The following RANBP3 variants were observed in gnomAD, a reference collection of about 807,000 sequenced individuals.
The protein encoded by RANBP3 is ran-binding protein 3.
RANBP3 carries 14 observed loss-of-function variants against 77.3 expected under a neutral mutation model. That is an observed-to-expected ratio of 0.18 (90% CI 0.12 to 0.28). The LOEUF (loss-of-function observed/expected upper bound fraction) is 0.28. Ranked by LOEUF, RANBP3 falls within the 10% of genes least tolerant of loss-of-function variation. The pLI, the probability that RANBP3 is intolerant of heterozygous loss-of-function variation, is 1.00. For missense variants in RANBP3, 586 were observed against 752.3 expected, an observed-to-expected ratio of 0.78 and a Z score of 2.59; for synonymous variants, 315 against 312.4, an observed-to-expected ratio of 1.01 and a Z score of -0.09.
chr19:5,963,799 G>T (rs1334960194), intron 1 of RANBP3, among the ~76,000 whole-genome samples: 1 of 152,146 alleles, frequency 6.6e-6, no homozygotes, highest in East Asian at 1.9e-4. Flanking sequence ...GCCTCACCAT[G>T]GCCTTCAGGG....
chr19:5,975,726 T>C (rs1369777766), intron 1 of RANBP3, among the ~76,000 whole-genome samples: 1 of 149,136 alleles, frequency 6.7e-6, no homozygotes, highest in Non-Finnish European at 1.5e-5. Context: ...TGGATTTAAT[T>C]TGAAATAGGT....
In RANBP3 at chr19:5,939,471, C is replaced by T. The variant is rs577807206; in HGVS notation, c.406+2150G>A. On this transcript the variant is annotated intron_variant, in intron 5 of 16. Transcript: ENST00000340578. ...CCAATTGCTTTTCCTCCCAGGAGAA[C>T]CCCCAGGCCGGGCGGGAAGGCAGAG... Among the ~76,000 whole-genome samples the T allele has an allele frequency of 3.9e-5, 6 of 152,320 alleles. No individual in the cohort carries two copies. The South Asian group carries it at 8.3e-4, about 21-fold the overall frequency.
chr19:5,951,257 T>A lies in RANBP3; in HGVS notation c.282+136A>T, dbSNP rs551458790. The A allele has an allele frequency of 5.1e-5, 44 of 857,488 alleles. No individual in the cohort carries two copies. The African/African-American group carries it at 6.4e-4, about 13-fold the overall frequency. 53.1% of individuals were successfully genotyped at this position (857,488 alleles called of 1,614,324 possible). On this transcript the variant is annotated intron_variant, in intron 3 of 16. Transcript: ENST00000340578. ...ATGAATTAAAGCGAGCTGGAAGAAA[T>A]CCTTGTCATCTTTTAAGTTACCATT...
intron 1 of RANBP3, among the ~76,000 whole-genome samples, chr19:5,977,209 G>A (rs557441134): frequency 2.6e-5 from 4 of 152,202 alleles, no homozygotes; most frequent in Non-Finnish European, 2.9e-5. Flanking sequence ...TAGAAAAGGG[G>A]GGGAGCTAAA....
chr19:5,963,354 C>T (rs2058426757), intron 1 of RANBP3, among the ~76,000 whole-genome samples: 1 of 152,108 alleles, frequency 6.6e-6, no homozygotes, highest in Admixed American at 6.5e-5. Context: ...GAGTTGAAGA[C>T]CTGTCTGGGC....
intron 3 of RANBP3, among the ~76,000 whole-genome samples, chr19:5,945,470 C>T (rs537184308): frequency 1.3e-5 from 2 of 152,276 alleles, no homozygotes; most frequent in East Asian, 3.9e-4. Flanking sequence ...TAACAAATGG[C>T]CCCCCATGGA....
chr19:5,977,366 A>T (rs1047821801), intron 1 of RANBP3, among the ~76,000 whole-genome samples: 2 of 152,268 alleles, frequency 1.3e-5, no homozygotes, highest in Admixed American at 6.5e-5. Flanking sequence ...TCCACAGAGG[A>T]GGGACTCGCA....
rs2057776165 is a variant in RANBP3 at position 5,918,564 on chromosome 19, T to A, written c.1405A>T (p.Ser469Cys). 4 of 1,613,688 alleles carry A rather than the reference T, an allele frequency of 2.5e-6. No homozygotes were observed. In the East Asian group the frequency reaches 8.9e-5, roughly 36 times the overall value. Residue 469 changes from serine (S) to cysteine (C), a missense_variant, in exon 15 of 17, where the codon AGC becomes TGC. Ser to Cys is a moderately radical substitution (Grantham distance 112, BLOSUM62 -1). This residue lies in a region of RANBP3 where 128 missense variants were observed against 157.0 expected (regional missense o/e 0.82). Transcript: ENST00000340578. ...GCTGTGATGCGAATGCTCTTCTCGC[T>A]GGCCTTGTCGATCTGCATCTGGGCC... ...LWAQMQIDKASEKSIRITAMD... is the reference protein window; with the variant it reads ...LWAQMQIDKACEKSIRITAMD...
At chr19:5,925,407 C>T (rs569202560) in intron 10 of RANBP3, 1 of 587,922 alleles carries the variant, frequency 1.7e-6, no homozygotes, top group South Asian at 2.0e-5. Context: ...GACAACCCCA[C>T]AGAACTCTGG....
At position 5,931,352 on chromosome 19, in the gene RANBP3, CG is replaced by C. The variant is rs2057987524; in HGVS notation, c.693+51del. On this transcript the variant is annotated intron_variant, in intron 8 of 16. Coordinates refer to ENST00000340578, the MANE Select transcript of RANBP3 (RefSeq NM_007322.3). Reference sequence around the variant, plus strand: ...CAGCATGCTGGGAAGGCTGCCCTCCCGCTCCCAAGGGGCCTAGCATGCAGCG... The same window carrying C: ...CAGCATGCTGGGAAGGCTGCCCTCCCCTCCCAAGGGGCCTAGCATGCAGCG... 4 of 1,556,936 alleles carry C rather than the reference CG, an allele frequency of 2.6e-6. No homozygotes were observed. The East Asian group carries it at 9.1e-5, about 36-fold the overall frequency.
At chr19:5,955,139 T>A (rs781144025) in intron 2 of RANBP3, among the ~76,000 whole-genome samples, 15 of 152,228 alleles carry the variant, frequency 9.9e-5, no homozygotes, top group Non-Finnish European at 1.6e-4. Flanking sequence ...TTTTTATTTT[T>A]AATTTTTTTT....
At position 5,924,735 on chromosome 19, in the gene RANBP3, G is replaced by A. The variant is rs984225959; in HGVS notation, c.996+92C>T. The A allele has an allele frequency of 1.0e-5, 13 of 1,302,728 alleles. No individual in the cohort carries two copies. The African/African-American group carries it at 1.3e-4, about 13-fold the overall frequency. 80.7% of individuals were successfully genotyped at this position (1,302,728 alleles called of 1,614,324 possible). The stretch of plus-strand genomic sequence containing the variant: ...AAGGCATCCCCATCTCACATAGGAC[G>A]ACACAGCAGCCCTGCTCTCCATGTC... On this transcript the variant is annotated intron_variant, in intron 11 of 16. Transcript: ENST00000340578. This position sits in a 1 kb window ranked among gnomAD's most constrained non-coding sequence, Gnocchi z 4.7.
At chr19:5,965,713 G>A (rs1321454129) in intron 1 of RANBP3, 2 of 152,244 alleles carry the variant, frequency 1.3e-5, no homozygotes, top group Non-Finnish European at 2.9e-5. Flanking sequence ...GTGAAGAAGG[G>A]TTGTAGAATC....
intron 1 of RANBP3, among the ~76,000 whole-genome samples, chr19:5,976,227 A>G (rs2058589478): frequency 6.6e-6 from 1 of 152,158 alleles, no homozygotes; most frequent in Non-Finnish European, 1.5e-5. Flanking sequence ...AGTGGGGGAG[A>G]TAAGGATTTT....
chr19:5,974,634 G>A lies in RANBP3; in HGVS notation c.22+3427C>T, dbSNP rs139175701. Among the ~76,000 whole-genome samples the A allele has an allele frequency of 1.8e-3, 268 of 152,170 alleles. 2 individuals are homozygous for A. The highest frequency in any genetic ancestry group is 6.1e-3 in the African/African-American group (253 of 41,482). On this transcript the variant is annotated intron_variant, in intron 1 of 16. Coordinates refer to ENST00000340578, the MANE Select transcript of RANBP3 (RefSeq NM_007322.3). ...TCCATGAGGCGTTCACCATGGTGACGAGGGCCAACAAGATGCTTTACACAA... is the reference window on the plus strand; with the variant it reads ...TCCATGAGGCGTTCACCATGGTGACAAGGGCCAACAAGATGCTTTACACAA...
chr19:5,945,030 A>T (rs1275504648), intron 3 of RANBP3, among the ~76,000 whole-genome samples: 1 of 151,242 alleles, frequency 6.6e-6, no homozygotes, highest in African/African-American at 2.4e-5. Context: ...GCGAGAATGA[A>T]CCCCTTGGTG....
intron 3 of RANBP3, among the ~76,000 whole-genome samples, chr19:5,945,968 T>C (rs1052963924): frequency 2.6e-5 from 4 of 151,360 alleles, no homozygotes; most frequent in African/African-American, 9.7e-5. Context: ...TACCTTTCCC[T>C]CCTGCCTCGG....
chr19:5,946,813 T>A (rs2058210787), intron 3 of RANBP3, among the ~76,000 whole-genome samples: 1 of 152,228 alleles, frequency 6.6e-6, no homozygotes, highest in Non-Finnish European at 1.5e-5. Flanking sequence ...CACCCAGCCC[T>A]GCACACAGCC....
At chr19:5,941,300 A>G (rs1472147657) in intron 5 of RANBP3, among the ~76,000 whole-genome samples, 1 of 152,146 alleles carries the variant, frequency 6.6e-6, no homozygotes, top group African/African-American at 2.4e-5. Flanking sequence ...TGGAAAGAGG[A>G]GATGTAATTA....
Sources: allele counts gnomAD v4.1 joint callset (sites outside exome capture counted in the v4.1 genomes callset), GRCh38; gene constraint gnomAD v4.1.1; regional missense constraint gnomAD v4.1.1; non-coding constraint Gnocchi (gnomAD v3.1); transcripts MANE v1.5; gene names NCBI Gene and HGNC (gene_info 2026-07-23, HGNC 2026-07-21).